HCN1: variants seen among roughly 807,000 people sequenced by gnomAD.
The protein encoded by HCN1 is hyperpolarization activated cyclic nucleotide gated potassium channel 1.
A neutral mutation model predicts 78.9 loss-of-function variants in HCN1; 13 were observed. That is an observed-to-expected ratio of 0.16 (90% CI 0.11 to 0.26). The LOEUF (loss-of-function observed/expected upper bound fraction) is 0.26, where lower values mean the gene tolerates loss of function less well. HCN1 is among the 10% of genes least tolerant of loss of function. HCN1 has a pLI of 1.00. For synonymous variants in HCN1, 552 were observed against 455.5 expected (o/e 1.21, Z -2.70); for missense variants, 810 against 1,154.3 (o/e 0.70, Z 4.32).
chr5:45,257,964 T>TTTTTTTTTTTTTTTTTTTTTG lies in HCN1; in HGVS notation c.*3956_*3957insCAAAAAAAAAAAAAAAAAAAA, dbSNP rs1561077069. 6.6e-6 allele frequency: 1 copy of TTTTTTTTTTTTTTTTTTTTTG among 151,934 alleles called. No homozygotes were observed. Among genetic ancestry groups the TTTTTTTTTTTTTTTTTTTTTG allele is most frequent in the African/African-American group, 2.4e-5 (1 of 41,222 alleles). 9.4% of individuals were successfully genotyped at this position (151,934 alleles called of 1,614,324 possible). A position where few individuals can be genotyped will look rare whatever the true frequency, so the allele number is the denominator to read the frequency against. ...CCCATGGTACAGTATGAGTACTTTTTAAAGTAGGTGAACATAAAATAAAAG... is the reference window on the plus strand; with the variant it reads ...CCCATGGTACAGTATGAGTACTTTTTTTTTTTTTTTTTTTTTTTTTGAAAGTAGGTGAACATAAAATAAAAG... On this transcript the variant is annotated 3_prime_UTR_variant, in exon 8 of 8. Coordinates refer to ENST00000303230, the MANE Select transcript of HCN1 (RefSeq NM_021072.4).
chr5:45,478,336 C>A, intron 2 of HCN1, among the ~76,000 whole-genome samples: 1 of 152,042 alleles, frequency 6.6e-6, no homozygotes, highest in African/African-American at 2.4e-5. Flanking sequence ...GGGGCATAGA[C>A]AATAGACAGT....
intron 2 of HCN1, among the ~76,000 whole-genome samples, chr5:45,518,172 C>T (rs192922726): frequency 6.6e-6 from 1 of 152,078 alleles, no homozygotes; most frequent in Non-Finnish European, 1.5e-5. Flanking sequence ...GAGGTTACAT[C>T]ACTTCAGATT....
At chr5:45,675,201 T>C (rs971872270) in intron 1 of HCN1, among the ~76,000 whole-genome samples, 1 of 151,676 alleles carries the variant, frequency 6.6e-6, no homozygotes, top group African/African-American at 2.4e-5. Context: ...TCGAGTCTGA[T>C]AGTAGCTTGG....
intron 2 of HCN1, among the ~76,000 whole-genome samples, chr5:45,577,381 A>G (rs1743968559): frequency 6.6e-6 from 1 of 152,046 alleles, no homozygotes; most frequent in Non-Finnish European, 1.5e-5. Flanking sequence ...TAATATGTCA[A>G]AATGGGGAAT....
intron 1 of HCN1, among the ~76,000 whole-genome samples, chr5:45,657,129 G>A (rs778175368): frequency 1.3e-5 from 2 of 151,880 alleles, no homozygotes; most frequent in Non-Finnish European, 2.9e-5. Flanking sequence ...CATTTGCTGT[G>A]GAATATTAAA....
At chr5:45,456,426 A>G (rs914418676) in intron 3 of HCN1, among the ~76,000 whole-genome samples, 1 of 152,040 alleles carries the variant, frequency 6.6e-6, no homozygotes, top group African/African-American at 2.4e-5. Context: ...GGAGTTGTCT[A>G]GGATGCAGAT....
intron 4 of HCN1, among the ~76,000 whole-genome samples, chr5:45,372,723 A>T (rs973510769): frequency 7.0e-6 from 1 of 143,474 alleles, no homozygotes; most frequent in African/African-American, 2.5e-5. Flanking sequence ...ATAAAAATAT[A>T]TACGTATTTA....
At chr5:45,351,861 A>C (rs1746911179) in intron 5 of HCN1, among the ~76,000 whole-genome samples, 1 of 152,076 alleles carries the variant, frequency 6.6e-6, no homozygotes, top group Non-Finnish European at 1.5e-5. Context: ...GGCGATCATT[A>C]AAAAGTCAGG....
chr5:45,540,336 T>G (rs1368687302), intron 2 of HCN1, among the ~76,000 whole-genome samples: 1 of 151,818 alleles, frequency 6.6e-6, no homozygotes, highest in African/African-American at 2.4e-5. Flanking sequence ...ATTTTTTTTT[T>G]TTTTTGAGAG....
At chr5:45,396,155 A>T (rs1056127216) in intron 4 of HCN1, among the ~76,000 whole-genome samples, 1 of 152,150 alleles carries the variant, frequency 6.6e-6, no homozygotes, top group African/African-American at 2.4e-5. Context: ...CACATACGAG[A>T]GAAGGGTTTA....
At chr5:45,475,612 G>T (rs956902167) in intron 2 of HCN1, among the ~76,000 whole-genome samples, 11 of 152,076 alleles carry the variant, frequency 7.2e-5, no homozygotes, top group East Asian at 1.9e-4. Flanking sequence ...GCGTCCAAAA[G>T]GTTACTATCA....
chr5:45,430,930 A>G (rs1033302409), intron 3 of HCN1, among the ~76,000 whole-genome samples: 5 of 152,226 alleles, frequency 3.3e-5, no homozygotes, highest in African/African-American at 7.2e-5. Context: ...TCTTTATGAT[A>G]CAATGATTTA....
Position 45,314,291 on chromosome 5 carries a change from A to C in HCN1, c.1378-10452T>G, listed in dbSNP as rs377569636. On this transcript the variant is annotated intron_variant, in intron 5 of 7. Transcript: ENST00000303230. The stretch of plus-strand genomic sequence containing the variant: ...TTCATAAGTGAAGGAGAAATAAAAT[A>C]CTTTACAGACAAGCAAATGCTGAGA... Among the ~76,000 whole-genome samples the C allele has an allele frequency of 2.6e-4, 40 of 152,236 alleles. No homozygotes were observed. The East Asian group carries it at 6.2e-3, about 24-fold the overall frequency.
At chr5:45,690,471 G>A (rs1203755302) in intron 1 of HCN1, among the ~76,000 whole-genome samples, 1 of 151,744 alleles carries the variant, frequency 6.6e-6, no homozygotes, top group African/African-American at 2.4e-5. Flanking sequence ...CTTCTACAAA[G>A]TCCCTTGAAT....
At chr5:45,659,089 G>A (rs1436805959) in intron 1 of HCN1, among the ~76,000 whole-genome samples, 3 of 152,136 alleles carry the variant, frequency 2.0e-5, no homozygotes, top group African/African-American at 7.2e-5. Context: ...GGTTCTCCCA[G>A]CACGCAGCTA....
chr5:45,381,974 A>G (rs568368781), intron 4 of HCN1, among the ~76,000 whole-genome samples: 1 of 152,220 alleles, frequency 6.6e-6, no homozygotes, highest in Non-Finnish European at 1.5e-5. Flanking sequence ...CTTCAATCCT[A>G]CTGTCCAGCC....
chr5:45,291,011 T>C (rs1424456690), intron 6 of HCN1, among the ~76,000 whole-genome samples: 1 of 152,080 alleles, frequency 6.6e-6, no homozygotes, highest in East Asian at 1.9e-4. Context: ...AGCTTGAAAA[T>C]GCTTCATAAA....
intron 2 of HCN1, among the ~76,000 whole-genome samples, chr5:45,578,433 A>G (rs1160688973): frequency 1.3e-5 from 2 of 152,026 alleles, no homozygotes; most frequent in Non-Finnish European, 2.9e-5. Context: ...TATGGAGAAA[A>G]AAAAAATGCA....
At chr5:45,442,318 G>C (rs986702619) in intron 3 of HCN1, among the ~76,000 whole-genome samples, 11 of 151,990 alleles carry the variant, frequency 7.2e-5, no homozygotes, top group African/African-American at 2.7e-4. Flanking sequence ...TCTGAGACAA[G>C]ATACCAACAT....
Sources: gnomAD v4.1 joint callset for allele counts (sites outside exome capture counted in the v4.1 genomes callset) on GRCh38, gnomAD v4.1.1 for gene constraint, MANE v1.5 for transcripts, NCBI Gene and HGNC (gene_info 2026-07-23, HGNC 2026-07-21) for gene names.